The following MACROD2 variants were observed in gnomAD, a reference collection of about 807,000 sequenced individuals.
MACROD2 encodes ADP-ribose glycohydrolase MACROD2.
MACROD2 carries 36 observed loss-of-function variants against 70.4 expected under a neutral mutation model. The ratio of observed to expected loss-of-function variants is 0.51; its 90% CI spans 0.39 to 0.68. The LOEUF is 0.68. Ranked by LOEUF, MACROD2 falls within the 30% of genes least tolerant of loss-of-function variation. The probability of loss-of-function intolerance (pLI) is 0.00; values close to 1 mark genes in which losing one functional copy is unlikely to be tolerated. For synonymous variants in MACROD2, 172 were observed against 178.8 expected (o/e 0.96, Z 0.30); for missense variants, 496 against 538.4 (o/e 0.92, Z 0.78).
At chr20:14,274,007 C>T (rs1284151464) in intron 3 of MACROD2, among the ~76,000 whole-genome samples, 1 of 152,076 alleles carries the variant, frequency 6.6e-6, no homozygotes, top group Non-Finnish European at 1.5e-5. Flanking sequence ...TAATCAATAG[C>T]TTACCAACCA....
At chr20:15,232,764 A>G (rs544999842) in intron 6 of MACROD2, among the ~76,000 whole-genome samples, 1 of 152,110 alleles carries the variant, frequency 6.6e-6, no homozygotes, top group Non-Finnish European at 1.5e-5. Flanking sequence ...GGAAATGTCC[A>G]GGAATAAATT....
intron 8 of MACROD2, among the ~76,000 whole-genome samples, chr20:15,573,151 C>T (rs983526320): frequency 6.6e-6 from 1 of 152,150 alleles, no homozygotes; most frequent in Non-Finnish European, 1.5e-5. Flanking sequence ...TCATTCCAGT[C>T]TCACTCATGT....
intron 6 of MACROD2, among the ~76,000 whole-genome samples, chr20:15,374,703 A>G (rs1196193232): frequency 2.0e-5 from 3 of 152,164 alleles, no homozygotes; most frequent in Non-Finnish European, 4.4e-5. Context: ...TCATTTCCTG[A>G]ACCTTCCCAC....
rs757830769 is a variant in MACROD2 at position 15,370,597 on chromosome 20, G to A, written c.541-60808G>A. On this transcript the variant is annotated intron_variant, in intron 6 of 17. Coordinates refer to ENST00000684519, the MANE Select transcript of MACROD2 (RefSeq NM_001351661.2). ...AAAATATATACCACCAAAAAAATAC[G>A]GTTGATGCAGTTGAAGAAGTAAATG... is the stretch of plus-strand genomic sequence containing the variant. Among the ~76,000 whole-genome samples the A allele has an allele frequency of 6.6e-5, 10 of 151,950 alleles. No homozygotes were observed. In the South Asian group the frequency reaches 1.2e-3, roughly 19 times the overall value.
intron 9 of MACROD2, among the ~76,000 whole-genome samples, chr20:15,867,284 A>T (rs116932714): frequency 0.039 from 5,889 of 152,298 alleles, 175 homozygotes; most frequent in Middle Eastern, 0.088. Flanking sequence ...CAACATAAAA[A>T]TTCACAGGGC....
chr20:15,538,852 T>G (rs1403930239), intron 8 of MACROD2, among the ~76,000 whole-genome samples: 2 of 152,092 alleles, frequency 1.3e-5, no homozygotes, highest in Non-Finnish European at 2.9e-5. Flanking sequence ...GCACTCTTAT[T>G]GGATAGCAAT....
chr20:14,935,947 C>T (rs1051604730), intron 5 of MACROD2, among the ~76,000 whole-genome samples: 10 of 152,138 alleles, frequency 6.6e-5, no homozygotes, highest in South Asian at 4.1e-4. Context: ...TTCACCCATC[C>T]TTCCTTCTTT....
At chr20:16,043,892 A>G (rs1475619483) in intron 16 of MACROD2, among the ~76,000 whole-genome samples, 2 of 152,092 alleles carry the variant, frequency 1.3e-5, no homozygotes, top group African/African-American at 4.8e-5. Flanking sequence ...CTTTGCATTT[A>G]TCCAAGAATC....
At chr20:15,902,516 T>C (rs148730501) in intron 10 of MACROD2, among the ~76,000 whole-genome samples, 88 of 152,260 alleles carry the variant, frequency 5.8e-4, no homozygotes, top group African/African-American at 1.9e-3. Flanking sequence ...TCTCGGAGTT[T>C]CTGTCAGTCA....
chr20:14,333,453 T>C (rs932801680), intron 3 of MACROD2, among the ~76,000 whole-genome samples: 1 of 152,080 alleles, frequency 6.6e-6, no homozygotes, highest in Non-Finnish European at 1.5e-5. Context: ...GTAAATGAAT[T>C]AGAGAACAAG....
Position 15,777,305 on chromosome 20 carries a change from A to G in MACROD2, c.646-85440A>G, listed in dbSNP as rs562905582. On this transcript the variant is annotated intron_variant, in intron 8 of 17. Coordinates refer to ENST00000684519, the MANE Select transcript of MACROD2 (RefSeq NM_001351661.2). ...CAGGGCAGCAGCTACTCTTCTGTTTAGTTTTATATAATGAGGTTCCATATA... is the reference window on the plus strand; with the variant it reads ...CAGGGCAGCAGCTACTCTTCTGTTTGGTTTTATATAATGAGGTTCCATATA... 1.8e-4 allele frequency among the ~76,000 whole-genome samples: 28 copies of G among 152,228 alleles called. No individual in the cohort carries two copies. In the East Asian group the frequency reaches 4.4e-3, roughly 24 times the overall value.
At chr20:14,675,515 G>GTCACCACCAGGCCTGCGTTA (rs1337731207) in intron 4 of MACROD2, among the ~76,000 whole-genome samples, 1 of 152,112 alleles carries the variant, frequency 6.6e-6, no homozygotes, top group Admixed American at 6.5e-5. Context: ...GAGAGATTTT[G>GTCACCACCAGGCCTGCGTTA]TCACCACCAG....
intron 5 of MACROD2, among the ~76,000 whole-genome samples, chr20:14,906,834 T>C (rs1035861254): frequency 6.6e-6 from 1 of 152,182 alleles, no homozygotes; most frequent in African/African-American, 2.4e-5. Context: ...TCTTGTCTTG[T>C]CATGGCTACA....
At chr20:15,814,586 C>T (rs894123064) in intron 8 of MACROD2, among the ~76,000 whole-genome samples, 1 of 152,198 alleles carries the variant, frequency 6.6e-6, no homozygotes, top group Non-Finnish European at 1.5e-5. Flanking sequence ...ACCATTTGAA[C>T]TTATATCCTA....
At chr20:14,389,407 G>C (rs1379922392) in intron 3 of MACROD2, among the ~76,000 whole-genome samples, 1 of 122,088 alleles carries the variant, frequency 8.2e-6, no homozygotes, top group Non-Finnish European at 1.6e-5. Flanking sequence ...GGGCGACAGG[G>C]CGAGACTTGG....
intron 8 of MACROD2, among the ~76,000 whole-genome samples, chr20:15,701,216 A>G (rs1479610319): frequency 6.6e-6 from 1 of 152,214 alleles, no homozygotes; most frequent in African/African-American, 2.4e-5. Context: ...AGTAGTTGTG[A>G]CAGAGACTAT....
intron 8 of MACROD2, among the ~76,000 whole-genome samples, chr20:15,619,971 C>G (rs1321248639): frequency 1.3e-5 from 2 of 152,068 alleles, no homozygotes; most frequent in African/African-American, 4.8e-5. Flanking sequence ...TCATCTTAAG[C>G]AGGGCGTGGT....
chr20:15,584,692 G>T (rs540066292), intron 8 of MACROD2, among the ~76,000 whole-genome samples: 5 of 152,144 alleles, frequency 3.3e-5, no homozygotes, highest in African/African-American at 1.2e-4. Context: ...GTACCCACAG[G>T]GGGCACTGGT....
intron 8 of MACROD2, among the ~76,000 whole-genome samples, chr20:15,835,335 T>C (rs1292931839): frequency 1.3e-5 from 2 of 152,116 alleles, no homozygotes; most frequent in Admixed American, 1.3e-4. Flanking sequence ...TCCCCCCTTT[T>C]CCATGGGAAC....
Sources: gnomAD v4.1 joint callset for allele counts (sites outside exome capture counted in the v4.1 genomes callset) on GRCh38, gnomAD v4.1.1 for gene constraint, MANE v1.5 for transcripts, NCBI Gene and HGNC (gene_info 2026-07-23, HGNC 2026-07-21) for gene names.